OTUD7A: variants seen among roughly 807,000 people sequenced by gnomAD.
The protein encoded by OTUD7A is OTU deubiquitinase 7A, also known as OTU domain-containing protein 7A.
OTUD7A carries 12 observed loss-of-function variants against 65.7 expected under a neutral mutation model. The ratio of observed to expected loss-of-function variants is 0.18; its 90% confidence interval spans 0.12 to 0.30. The LOEUF is 0.30. Among genes scored for constraint, OTUD7A ranks in the 10% least tolerant of loss-of-function variants. The pLI is 1.00. For missense variants in OTUD7A, 1,148 were observed against 1,304.8 expected, an observed-to-expected ratio of 0.88 and a Z score of 1.85; for synonymous variants, 641 against 586.3, an observed-to-expected ratio of 1.09 and a Z score of -1.35.
intron 5 of OTUD7A, among the ~76,000 whole-genome samples, chr15:31,544,085 T>C (rs1888061034): frequency 6.6e-6 from 1 of 151,804 alleles, no homozygotes; most frequent in African/African-American, 2.4e-5. Context: ...TAACTAAAAA[T>C]ATTTAGTAGT....
chr15:31,831,742 T>C lies in OTUD7A; in HGVS notation c.-100+38765A>G, dbSNP rs1336250793. 3.3e-5 allele frequency among the ~76,000 whole-genome samples: 5 copies of C among 152,350 alleles called. No homozygotes were observed. In the East Asian group the frequency reaches 9.6e-4, roughly 29 times the overall value. On this transcript the variant is annotated intron_variant, in intron 1 of 12. Transcript: ENST00000307050. ...CCAAACTGGGAAGAGCCCAGGATTC[T>C]AGCCACAGGAAAGTAGCCAAGCAAC...
At chr15:31,486,176 T>C (rs2041234195) in intron 12 of OTUD7A, among the ~76,000 whole-genome samples, 1 of 152,302 alleles carries the variant, frequency 6.6e-6, no homozygotes, top group South Asian at 2.1e-4. Context: ...AGCCTCCTGA[T>C]TCTACATCTC....
chr15:31,685,431 G>T (rs554046939), intron 1 of OTUD7A, among the ~76,000 whole-genome samples: 1 of 151,838 alleles, frequency 6.6e-6, no homozygotes, highest in African/African-American at 2.4e-5. Context: ...GGATCATGAC[G>T]TCAGGAGATC....
rs973647814 is a variant in OTUD7A, at chr15:31,526,342, C to A, written c.893+7G>T. 2.5e-5 allele frequency: 40 copies of A among 1,582,530 alleles called. No individual in the cohort carries two copies. Among genetic ancestry groups the A allele is most frequent in the Non-Finnish European group, 3.3e-5 (38 of 1,169,034 alleles). ...TGACTTCTGGGGAGAGCAGGGGCAG[C>A]ACTTACCCCCCGCCCGTGCCGCCAT... On this transcript the variant is annotated splice_region_variant and intron_variant, in intron 8 of 12. Coordinates refer to ENST00000307050, the MANE Select transcript of OTUD7A (RefSeq NM_001382637.1).
At chr15:31,766,124 G>A (rs1176185554) in intron 1 of OTUD7A, 2 of 1,435,202 alleles carry the variant, frequency 1.4e-6, no homozygotes, top group East Asian at 4.5e-5. Context: ...GCAAGTAAGA[G>A]GGTACTTGAA....
At chr15:31,758,835 T>C (rs1171028200) in intron 1 of OTUD7A, among the ~76,000 whole-genome samples, 1 of 151,544 alleles carries the variant, frequency 6.6e-6, no homozygotes, top group Admixed American at 6.6e-5. Context: ...GTATTTACCA[T>C]ACAAAAAAAA....
At chr15:31,788,961 T>C (rs1275766992) in intron 1 of OTUD7A, among the ~76,000 whole-genome samples, 1 of 152,196 alleles carries the variant, frequency 6.6e-6, no homozygotes, top group African/African-American at 2.4e-5. Context: ...GATTCCTAAA[T>C]GCCAGGACCC....
intron 1 of OTUD7A, among the ~76,000 whole-genome samples, chr15:31,683,502 C>T (rs1892767556): frequency 6.6e-6 from 1 of 152,068 alleles, no homozygotes; most frequent in African/African-American, 2.4e-5. Context: ...TGTGTAGTCC[C>T]TGGTTCTCAC....
intron 1 of OTUD7A, among the ~76,000 whole-genome samples, chr15:31,861,476 T>C (rs374017126): frequency 5.4e-4 from 82 of 152,256 alleles, no homozygotes; most frequent in African/African-American, 1.9e-3. Flanking sequence ...GCTTGCCAGA[T>C]TGTAAATGGG....
At chr15:31,802,048 T>C (rs1896138749) in intron 1 of OTUD7A, among the ~76,000 whole-genome samples, 1 of 151,804 alleles carries the variant, frequency 6.6e-6, no homozygotes, top group Non-Finnish European at 1.5e-5. Context: ...TAAGGTGTAT[T>C]AGTTAGGGTT....
chr15:31,708,229 C>G (rs1248426539), intron 1 of OTUD7A, among the ~76,000 whole-genome samples: 2 of 152,062 alleles, frequency 1.3e-5, no homozygotes, highest in African/African-American at 4.8e-5. Flanking sequence ...TTTCTAACAT[C>G]CGGTGGTGGT....
chr15:31,863,787 C>G (rs1005447024), intron 1 of OTUD7A, among the ~76,000 whole-genome samples: 11 of 152,206 alleles, frequency 7.2e-5, no homozygotes, highest in Non-Finnish European at 1.0e-4. Flanking sequence ...ATCCTTGCTA[C>G]TTATGCACAT....
intron 10 of OTUD7A, among the ~76,000 whole-genome samples, chr15:31,493,590 T>C (rs1320929265): frequency 6.6e-6 from 1 of 152,224 alleles, no homozygotes; most frequent in Non-Finnish European, 1.5e-5. Flanking sequence ...CAAATACATA[T>C]GGAATATTCA....
At chr15:31,522,147 C>T (rs979345435) in intron 8 of OTUD7A, among the ~76,000 whole-genome samples, 1 of 152,126 alleles carries the variant, frequency 6.6e-6, no homozygotes, top group African/African-American at 2.4e-5. Context: ...GCTGGTTAAA[C>T]GTTATTTCTG....
chr15:31,537,157 T>C (rs1306283134), intron 5 of OTUD7A, among the ~76,000 whole-genome samples: 2 of 152,152 alleles, frequency 1.3e-5, no homozygotes, highest in African/African-American at 4.8e-5. Context: ...AGGAGTATAT[T>C]TATTTTAGAG....
At chr15:31,505,371 T>C (rs2041543813) in intron 8 of OTUD7A, among the ~76,000 whole-genome samples, 1 of 152,216 alleles carries the variant, frequency 6.6e-6, no homozygotes. Context: ...TTAGGCTAAA[T>C]TGTGGGAGCT....
chr15:31,700,997 C>T (rs1893201341), intron 1 of OTUD7A, among the ~76,000 whole-genome samples: 1 of 152,188 alleles, frequency 6.6e-6, no homozygotes, highest in South Asian at 2.1e-4. Context: ...CACAGCCTCA[C>T]CTTGATCTAG....
chr15:31,803,829 T>G (rs938218918), intron 1 of OTUD7A, among the ~76,000 whole-genome samples: 2 of 152,160 alleles, frequency 1.3e-5, no homozygotes, highest in African/African-American at 4.8e-5. Context: ...GAAAAGCCAG[T>G]GGAGGCCCCA....
At chr15:31,685,729 T>C (rs1397105330) in intron 1 of OTUD7A, among the ~76,000 whole-genome samples, 6 of 152,222 alleles carry the variant, frequency 3.9e-5, no homozygotes, top group Admixed American at 2.6e-4. Flanking sequence ...CCCTTACTGA[T>C]GAGTTAAATA....
Sources: allele counts gnomAD v4.1 joint callset (sites outside exome capture counted in the v4.1 genomes callset), GRCh38; gene constraint gnomAD v4.1.1; transcripts MANE v1.5; gene names NCBI Gene and HGNC (gene_info 2026-07-23, HGNC 2026-07-21).